Variants in C3orf18 observed in about 807,000 individuals in gnomAD.
C3orf18 encodes the protein uncharacterized protein C3orf18.
In C3orf18, 12 loss-of-function variants were observed where a neutral mutation model predicts 14.1. That is an observed-to-expected ratio of 0.85 (90% CI 0.55 to 1.38). The LOEUF (loss-of-function observed/expected upper bound fraction) is 1.38, where lower values mean the gene tolerates loss of function less well. C3orf18 is among the 40% of genes most tolerant of loss of function. C3orf18 has a pLI of 0.00. For missense variants in C3orf18, 196 were observed against 213.9 expected, an observed-to-expected ratio of 0.92 and a Z score of 0.52; for synonymous variants, 82 against 87.9, an observed-to-expected ratio of 0.93 and a Z score of 0.38.
chr3:50,573,502 T>TG (rs1249111617), upstream of C3orf18, among the ~76,000 whole-genome samples: 1 of 152,260 alleles, frequency 6.6e-6, no homozygotes, highest in Non-Finnish European at 1.5e-5. Flanking sequence ...GCCAGGGTTC[T>TG]GAGTATCAAG....
At chr3:50,571,799 G>T, upstream of C3orf18, 1 of 1,613,818 alleles carries the variant, frequency 6.2e-7, no homozygotes, top group Non-Finnish European at 8.5e-7. Flanking sequence ...GTCGATTGCA[G>T]AGGTGAGCAC....
intron 3 of C3orf18, chr3:50,562,461 C>T (rs951282396): frequency 4.4e-6 from 2 of 454,296 alleles, no homozygotes; most frequent in African/African-American, 2.0e-5. Flanking sequence ...CACATGCAGG[C>T]AAAAAGTAAA....
chr3:50,571,072 C>T (rs1461812786), upstream of C3orf18: 2 of 1,514,060 alleles, frequency 1.3e-6, no homozygotes, highest in South Asian at 2.5e-5. Context: ...ACTTGGGAAC[C>T]TGGAAGCACT....
rs749170047 is a variant in C3orf18 at position 50,561,033 on chromosome 3, T to C, written c.292A>G (p.Met98Val). The part of the protein sequence containing the change: ...LEKLRHQLMP[M>V]YNFDPTEEQD... Reference sequence around the variant, plus strand: ...TCCTCCGTGGGGTCGAAGTTGTACATGGGCATGAGCTGGTGGCGTAGCTTC... The same window carrying C: ...TCCTCCGTGGGGTCGAAGTTGTACACGGGCATGAGCTGGTGGCGTAGCTTC... Residue 98 changes from methionine (M) to valine (V), a missense_variant, in exon 5 of 6, where the codon ATG becomes GTG. Physicochemically the swap from Met to Val is conservative, Grantham distance 21. Transcript: ENST00000357203. The C allele has an allele frequency of 6.2e-7, 1 of 1,614,152 alleles. No homozygotes were observed. Among genetic ancestry groups the C allele is most frequent in the African/African-American group, 1.3e-5 (1 of 75,058 alleles).
chr3:50,570,928 C>A, upstream of C3orf18: 1 of 502,154 alleles, frequency 2.0e-6, no homozygotes, highest in East Asian at 3.3e-5. Context: ...CTCTCACTCC[C>A]AGGGTGGCAA....
chr3:50,573,923 G>A (rs1160728131), upstream of C3orf18, among the ~76,000 whole-genome samples: 1 of 152,224 alleles, frequency 6.6e-6, no homozygotes, highest in Non-Finnish European at 1.5e-5. Context: ...CACCCAGCCT[G>A]CTGTGAGGCT....
intron 3 of C3orf18, chr3:50,562,735 G>A (rs1700064472): frequency 5.7e-6 from 2 of 350,780 alleles, no homozygotes; most frequent in Non-Finnish European, 1.1e-5. Context: ...TAGGGGTGGG[G>A]GACTGGAGCC....
intron 5 of C3orf18, among the ~76,000 whole-genome samples, chr3:50,559,954 GTTGAT>G (rs1252030811): frequency 6.6e-6 from 1 of 152,250 alleles, no homozygotes; most frequent in East Asian, 1.9e-4. Context: ...CACTTACTGT[GTTGAT>G]TTAATTATGC....
At chr3:50,568,291 ATCAGC>A (rs1700499315), upstream of C3orf18, among the ~76,000 whole-genome samples, 1 of 152,150 alleles carries the variant, frequency 6.6e-6, no homozygotes, top group Non-Finnish European at 1.5e-5. Flanking sequence ...CCACGGCATG[ATCAGC>A]TCAGGGAAGG....
upstream of C3orf18, among the ~76,000 whole-genome samples, chr3:50,572,654 A>G (rs992982034): frequency 6.6e-6 from 1 of 152,198 alleles, no homozygotes; most frequent in African/African-American, 2.4e-5. Context: ...CCCTCCTGCC[A>G]TCTCTGGGCC....
In C3orf18 at chr3:50,559,250, C is replaced by A. The variant is rs1326040880; in HGVS notation, c.*407G>T. 6.3e-6 allele frequency: 8 copies of A among 1,274,548 alleles called. No individual in the cohort carries two copies. In the East Asian group the frequency reaches 4.4e-4, roughly 70 times the overall value. The allele number at this position is 1,274,548 out of a possible 1,614,324, so 79.0% of individuals were successfully genotyped here. ...AGAGGAGGCTCCAGATTCCAAAAAA[C>A]AGGTCTCTCCCTAACAGAGGGAAAC... On this transcript the variant is annotated 3_prime_UTR_variant, in exon 6 of 6. Coordinates refer to ENST00000357203, the MANE Select transcript of C3orf18 (RefSeq NM_016210.5).
chr3:50,572,351 CTG>C (rs1460738668), upstream of C3orf18: 2 of 829,432 alleles, frequency 2.4e-6, no homozygotes, highest in African/African-American at 1.7e-5. Context: ...TCCTCTCTGA[CTG>C]TGTTGGCAGA....
chr3:50,566,412 C>T (rs1209447642), intron 1 of C3orf18, among the ~76,000 whole-genome samples: 4 of 152,090 alleles, frequency 2.6e-5, no homozygotes, highest in Non-Finnish European at 5.9e-5. Flanking sequence ...ATATTGAGAA[C>T]ATCCCCACAG....
chr3:50,559,586 A>G lies in C3orf18; in HGVS notation c.*71T>C, dbSNP rs1575824043. 6.8e-7 allele frequency: 1 copy of G among 1,468,108 alleles called. No individual in the cohort carries two copies. Among genetic ancestry groups the G allele is most frequent in the East Asian group, 2.6e-5 (1 of 38,980 alleles). The allele number at this position is 1,468,108 out of a possible 1,614,324, so 90.9% of individuals were successfully genotyped here. ...AAGATCTTCAGAGTAGGTCTTGACA[A>G]TCAGGGAGTGGGGAGCTCTGTAGGC... On this transcript the variant is annotated 3_prime_UTR_variant, in exon 6 of 6. Transcript: ENST00000357203.
upstream of C3orf18, among the ~76,000 whole-genome samples, chr3:50,574,072 G>C (rs930119499): frequency 6.6e-6 from 1 of 152,204 alleles, no homozygotes; most frequent in Non-Finnish European, 1.5e-5. Context: ...CAGGCCTTGG[G>C]CCAGCCTCTT....
chr3:50,564,083 A>C (rs1393586362), intron 3 of C3orf18, among the ~76,000 whole-genome samples: 1 of 152,226 alleles, frequency 6.6e-6, no homozygotes, highest in African/African-American at 2.4e-5. Context: ...TGTGGGGCCC[A>C]TATGGCAACC....
upstream of C3orf18, chr3:50,572,096 C>A (rs905133303): frequency 8.1e-6 from 13 of 1,611,884 alleles, no homozygotes; most frequent in Non-Finnish European, 1.1e-5. Context: ...TGATGACCAC[C>A]CAGCTGCCCC....
At chr3:50,571,463 C>T (rs940691464), upstream of C3orf18, 15 of 712,508 alleles carry the variant, frequency 2.1e-5, no homozygotes, top group African/African-American at 1.4e-4. Flanking sequence ...AACGTCTTAG[C>T]GCCTGGCACA....
chr3:50,564,911 T>C (rs1315855643), intron 3 of C3orf18, among the ~76,000 whole-genome samples: 2 of 152,356 alleles, frequency 1.3e-5, no homozygotes, highest in East Asian at 3.9e-4. Flanking sequence ...ATCAGGACTC[T>C]CCACTTGGAA....
Sources: gnomAD v4.1 joint callset for allele counts (sites outside exome capture counted in the v4.1 genomes callset) on GRCh38, gnomAD v4.1.1 for gene constraint, MANE v1.5 for transcripts, NCBI Gene and HGNC (gene_info 2026-07-23, HGNC 2026-07-21) for gene names.